The following KALRN variants were observed in gnomAD, a reference collection of about 807,000 sequenced individuals.
KALRN encodes the protein kalirin RhoGEF kinase.
In KALRN, 70 loss-of-function variants were observed where a neutral mutation model predicts 353.7. The ratio of observed to expected loss-of-function variants is 0.20; its 90% CI spans 0.16 to 0.24. The LOEUF (loss-of-function observed/expected upper bound fraction) is 0.24. Among genes scored for constraint, KALRN ranks in the 10% least tolerant of loss-of-function variants. The pLI is 1.00. For synonymous variants in KALRN, 1,391 were observed against 1,434.8 expected (o/e 0.97, Z 0.69); for missense variants, 2,791 against 3,756.7 (o/e 0.74, Z 6.72).
At chr3:124,703,648 T>C (rs2062455387) in intron 57 of KALRN, among the ~76,000 whole-genome samples, 1 of 151,776 alleles carries the variant, frequency 6.6e-6, no homozygotes, top group Non-Finnish European at 1.5e-5. Context: ...TGTCTTCTTT[T>C]TTCTCTTTTT....
At chr3:124,586,279 G>A (rs1419097022) in intron 34 of KALRN, among the ~76,000 whole-genome samples, 1 of 152,196 alleles carries the variant, frequency 6.6e-6, no homozygotes, top group Non-Finnish European at 1.5e-5. Flanking sequence ...GAATCTGAGT[G>A]GGTGGGTTCG....
At chr3:124,267,007 T>C (rs1333350980) in intron 4 of KALRN, among the ~76,000 whole-genome samples, 1 of 152,128 alleles carries the variant, frequency 6.6e-6, no homozygotes, top group African/African-American at 2.4e-5. Flanking sequence ...TCACTCTAAG[T>C]TGAACAAGCT....
chr3:124,356,426 C>T (rs1378642933), intron 10 of KALRN, among the ~76,000 whole-genome samples: 7 of 150,970 alleles, frequency 4.6e-5, no homozygotes, highest in African/African-American at 1.7e-4. Context: ...CTCTGCCTCC[C>T]GGGTTCAAGT....
intron 8 of KALRN, among the ~76,000 whole-genome samples, chr3:124,333,349 T>C (rs1272649956): frequency 6.6e-6 from 1 of 152,230 alleles, no homozygotes; most frequent in African/African-American, 2.4e-5. Context: ...ATACGGTATG[T>C]GTGTTAACTC....
At chr3:124,038,624 A>T (rs2039648540) in intron 1 of KALRN, among the ~76,000 whole-genome samples, 1 of 152,226 alleles carries the variant, frequency 6.6e-6, no homozygotes, top group South Asian at 2.1e-4. Context: ...AAGTAAGAAG[A>T]TAAATGAAAA....
At chr3:124,106,705 A>T (rs764817563) in intron 1 of KALRN, among the ~76,000 whole-genome samples, 1 of 152,186 alleles carries the variant, frequency 6.6e-6, no homozygotes, top group Non-Finnish European at 1.5e-5. Flanking sequence ...AGGCTCAAAG[A>T]AATGATTTTA....
chr3:124,159,754 T>A (rs997084567), intron 1 of KALRN, among the ~76,000 whole-genome samples: 19 of 151,940 alleles, frequency 1.3e-4, no homozygotes, highest in African/African-American at 4.6e-4. Context: ...ATTTCTTGGG[T>A]AAATGGGGAG....
intron 52 of KALRN, 126 bp from the exon 53 acceptor site, chr3:124,694,206 A>T: frequency 2.2e-6 from 2 of 896,824 alleles, no homozygotes; most frequent in Non-Finnish European, 1.8e-6. Context: ...CACCAGTGTT[A>T]TACTGAAGGT....
At chr3:124,125,018 G>A (rs73186231) in intron 1 of KALRN, among the ~76,000 whole-genome samples, 1,734 of 152,302 alleles carry the variant, frequency 0.011, 17 homozygotes, top group Non-Finnish European at 0.018. Context: ...GTAGGGACAA[G>A]GCATTCAGTG....
intron 19 of KALRN, among the ~76,000 whole-genome samples, chr3:124,445,097 G>A (rs1430981391): frequency 2.0e-5 from 3 of 152,116 alleles, no homozygotes; most frequent in African/African-American, 7.2e-5. Flanking sequence ...GCCCGAATCT[G>A]AACTCTGCCC....
intron 1 of KALRN, chr3:124,079,994 C>G: frequency 2.1e-6 from 1 of 469,782 alleles, no homozygotes; most frequent in South Asian, 1.6e-5. Flanking sequence ...TCATGCTTCT[C>G]AGAATCCCCA....
intron 58 of KALRN, 83 bp from the exon 59 acceptor site, chr3:124,717,164 G>T (rs2063169380): frequency 1.5e-6 from 2 of 1,319,456 alleles, no homozygotes; most frequent in Admixed American, 2.4e-5. Context: ...AGAGTTTAGA[G>T]ATCTTACTGA....
At chr3:124,051,762 C>G (rs1022839416) in intron 1 of KALRN, among the ~76,000 whole-genome samples, 2 of 152,216 alleles carry the variant, frequency 1.3e-5, no homozygotes, top group African/African-American at 2.4e-5. Flanking sequence ...ACTGGGAACT[C>G]TGTCCCCTGT....
In KALRN at chr3:124,330,031, T is replaced by C. The variant is rs540584034; in HGVS notation, c.1416+39T>C. 5 of 1,606,142 alleles carry C rather than the reference T, an allele frequency of 3.1e-6. No homozygotes were observed. In the South Asian group the frequency reaches 5.6e-5, roughly 18 times the overall value. Reference sequence around the variant, plus strand: ...AGGGCAACCATGGTTCTTGGGCATGTCTGCATGTGGGTGGGTGATGAGGGC... The same window carrying C: ...AGGGCAACCATGGTTCTTGGGCATGCCTGCATGTGGGTGGGTGATGAGGGC... On this transcript the variant is annotated intron_variant, in intron 8 of 59. Coordinates refer to ENST00000682506, the MANE Select transcript of KALRN (RefSeq NM_001388419.1).
At chr3:124,667,227 T>C (rs758813229) in intron 47 of KALRN, 44 bp downstream of exon 47, 1 of 1,551,286 alleles carries the variant, frequency 6.4e-7, no homozygotes, top group South Asian at 1.2e-5. Context: ...GTCAGGGGAC[T>C]CCACGACCTC....
chr3:124,223,406 A>G (rs2078134856), intron 1 of KALRN, among the ~76,000 whole-genome samples: 1 of 152,170 alleles, frequency 6.6e-6, no homozygotes, highest in Non-Finnish European at 1.5e-5. Context: ...TATACTGGAC[A>G]CCACACGGGT....
chr3:124,139,008 T>C (rs988591000), intron 1 of KALRN, among the ~76,000 whole-genome samples: 3 of 152,094 alleles, frequency 2.0e-5, no homozygotes, highest in Admixed American at 6.5e-5. Flanking sequence ...AGATAAATGG[T>C]GCAAGAGTGG....
At chr3:124,689,417 G>T (rs982966537) in intron 51 of KALRN, among the ~76,000 whole-genome samples, 1 of 151,908 alleles carries the variant, frequency 6.6e-6, no homozygotes, top group African/African-American at 2.4e-5. Flanking sequence ...TGTTGCCCAG[G>T]CTGGTCTTGA....
intron 6 of KALRN, among the ~76,000 whole-genome samples, chr3:124,305,195 G>A (rs2077585994): frequency 6.6e-6 from 1 of 152,182 alleles, no homozygotes; most frequent in African/African-American, 2.4e-5. Flanking sequence ...TTCCCCAAAG[G>A]AACTGATTTC....
Sources: gnomAD v4.1 joint callset for allele counts (sites outside exome capture counted in the v4.1 genomes callset) on GRCh38, gnomAD v4.1.1 for gene constraint, MANE v1.5 for transcripts, NCBI Gene and HGNC (gene_info 2026-07-23, HGNC 2026-07-21) for gene names.